GLRA2: variants seen among roughly 807,000 people sequenced by gnomAD.
GLRA2 encodes glycine receptor alpha 2.
A neutral mutation model predicts 31.6 loss-of-function variants in GLRA2; 11 were observed. The ratio of observed to expected loss-of-function variants is 0.35; its 90% CI spans 0.22 to 0.58. The LOEUF (loss-of-function observed/expected upper bound fraction) is 0.58, where lower values mean the gene tolerates loss of function less well. Ranked by LOEUF, GLRA2 falls within the 20% of genes least tolerant of loss-of-function variation. The pLI is 0.84. For synonymous variants in GLRA2, 132 were observed against 134.0 expected, an observed-to-expected ratio of 0.99 and a Z score of 0.10; for missense variants, 212 against 351.8, an observed-to-expected ratio of 0.60 and a Z score of 3.18.
At chrX:14,703,335 G>C (rs1283633117) in intron 8 of GLRA2, among the ~76,000 whole-genome samples, 1 of 111,296 alleles carries the variant, frequency 9.0e-6, no homozygotes, top group African/African-American at 3.3e-5. Flanking sequence ...TTGGCTCATA[G>C]TCCCCTTTCT....
chrX:14,470,264 T>G, the GLRA2 span, among the ~76,000 whole-genome samples: 2 of 111,900 alleles, frequency 1.8e-5, no homozygotes, highest in Non-Finnish European at 1.9e-5. Context: ...TAGTAATAGA[T>G]GCAAGATAGA....
At chrX:14,588,272 A>G (rs975688480) in intron 4 of GLRA2, among the ~76,000 whole-genome samples, 3 of 111,723 alleles carry the variant, frequency 2.7e-5, no homozygotes, top group African/African-American at 6.5e-5. Flanking sequence ...TAATTTTTGT[A>G]TATAGTAAAA....
the GLRA2 span, among the ~76,000 whole-genome samples, chrX:14,502,928 G>T: frequency 9.3e-6 from 1 of 107,755 alleles, no homozygotes; most frequent in Non-Finnish European, 1.9e-5. Flanking sequence ...ACTACAAAAG[G>T]ACACTTGTTT....
rs777946315 is a variant in GLRA2 at position 14,694,262 on chromosome X, A to G, written c.1080+3403A>G. ...TTTAGCTCTCAAAGGGAGAGAGGGTAAAACAAATTTCTGCACAATCTCACT... is the reference window on the plus strand; with the variant it reads ...TTTAGCTCTCAAAGGGAGAGAGGGTGAAACAAATTTCTGCACAATCTCACT... On this transcript the variant is annotated intron_variant, in intron 8 of 8. Transcript: ENST00000218075. Among the ~76,000 whole-genome samples, 3 of 111,642 alleles carry G rather than the reference A, an allele frequency of 2.7e-5. No homozygotes were observed. In the Admixed American group the frequency reaches 2.9e-4, roughly 11 times the overall value.
At chrX:14,592,175 A>C (rs914842373) in intron 4 of GLRA2, among the ~76,000 whole-genome samples, 1 of 111,658 alleles carries the variant, frequency 9.0e-6, no homozygotes. Context: ...TTTCCTGATG[A>C]GTAAATAAGA....
At chrX:14,462,626 C>T in the GLRA2 span, among the ~76,000 whole-genome samples, 1 of 111,194 alleles carries the variant, frequency 9.0e-6, no homozygotes, top group African/African-American at 3.3e-5. Flanking sequence ...TCCTTTCTTC[C>T]ACTTGATTGA....
At chrX:14,609,915 C>T (rs1307390316) in intron 7 of GLRA2, among the ~76,000 whole-genome samples, 2 of 110,910 alleles carry the variant, frequency 1.8e-5, no homozygotes, top group Non-Finnish European at 3.8e-5. Flanking sequence ...AAATAATAAT[C>T]CATAAGTGGC....
chrX:14,498,839 C>T, the GLRA2 span, among the ~76,000 whole-genome samples: 6 of 111,264 alleles, frequency 5.4e-5, no homozygotes, highest in South Asian at 3.8e-4. Flanking sequence ...TTTTAAGCTC[C>T]CACGTGGGAA....
At chrX:14,645,689 T>A (rs1569515523) in intron 7 of GLRA2, among the ~76,000 whole-genome samples, 1 of 111,725 alleles carries the variant, frequency 9.0e-6, no homozygotes, top group Non-Finnish European at 1.9e-5. Flanking sequence ...TTCGGTGGAG[T>A]CCACCTGGGG....
chrX:14,672,570 G>GA (rs747410334), intron 7 of GLRA2, among the ~76,000 whole-genome samples: 9 of 110,382 alleles, frequency 8.2e-5, no homozygotes, highest in Non-Finnish European at 1.5e-4. Flanking sequence ...TGTGCTTCTG[G>GA]TTTTTTTGTT....
In GLRA2 at chrX:14,581,377, G is replaced by A. The variant is rs147278340; in HGVS notation, c.465G>A (p.Ser155=). The A allele has an allele frequency of 7.6e-6, 9 of 1,186,458 alleles. No homozygotes were observed. Among genetic ancestry groups the A allele is most frequent in the Middle Eastern group, 4.6e-4 (2 of 4,312 alleles). Residue 155 remains serine (S), a synonymous_variant, in exon 4 of 9, where the codon TCG becomes TCA. Transcript: ENST00000218075. ...VTTDNKLLRI[S]KNGKVLYSIR... ...CTGACAACAAATTGCTACGGATTTC[G>A]AAAAATGGCAAAGTGCTCTACAGTA...
chrX:14,498,026 C>A, the GLRA2 span, among the ~76,000 whole-genome samples: 10 of 111,089 alleles, frequency 9.0e-5, no homozygotes, highest in Non-Finnish European at 1.9e-4. Context: ...ATGTTATTTT[C>A]ATTTCTTCAG....
intron 8 of GLRA2, among the ~76,000 whole-genome samples, chrX:14,691,324 T>TGCGCGC (rs1556085781): frequency 1.6e-5 from 1 of 64,345 alleles, no homozygotes; most frequent in Admixed American, 1.6e-4. Flanking sequence ...TGTGTGTGTG[T>TGCGCGC]GCGCGCGTGC....
intron 7 of GLRA2, among the ~76,000 whole-genome samples, chrX:14,634,030 C>T (rs1310488290): frequency 8.9e-6 from 1 of 111,803 alleles, no homozygotes; most frequent in African/African-American, 3.3e-5. Flanking sequence ...CTCACTGCAA[C>T]CTCCGCCTCA....
intron 7 of GLRA2, among the ~76,000 whole-genome samples, chrX:14,631,814 A>G (rs112210427): frequency 2.1e-4 from 21 of 98,745 alleles, no homozygotes; most frequent in African/African-American, 8.0e-4. Context: ...ATACATATAC[A>G]CCCTATAGAC....
the GLRA2 span, among the ~76,000 whole-genome samples, chrX:14,511,842 C>A: frequency 1.3e-4 from 15 of 111,619 alleles, no homozygotes; most frequent in African/African-American, 4.9e-4. Flanking sequence ...TTGCTACAAC[C>A]AGGATGGTCA....
chrX:14,619,058 C>T (rs2090485398), intron 7 of GLRA2, among the ~76,000 whole-genome samples: 1 of 110,853 alleles, frequency 9.0e-6, no homozygotes, highest in Admixed American at 9.6e-5. Context: ...CTGTAAAACC[C>T]CTCCATAACA....
At chrX:14,627,937 A>G (rs1362001414) in intron 7 of GLRA2, among the ~76,000 whole-genome samples, 1 of 111,039 alleles carries the variant, frequency 9.0e-6, no homozygotes, top group Non-Finnish European at 1.9e-5. Context: ...TTTTTGTGGG[A>G]CTCTGTAGAA....
the GLRA2 span, among the ~76,000 whole-genome samples, chrX:14,511,451 TTATC>T: frequency 1.7e-4 from 19 of 111,999 alleles, no homozygotes; most frequent in African/African-American, 6.1e-4. Flanking sequence ...ATTTAGCAAT[TTATC>T]TAAGTCATTT....
Sources: gnomAD v4.1 joint callset for allele counts (sites outside exome capture counted in the v4.1 genomes callset) on GRCh38, gnomAD v4.1.1 for gene constraint, MANE v1.5 for transcripts, NCBI Gene and HGNC (gene_info 2026-07-23, HGNC 2026-07-21) for gene names.